Variants in NGF observed in about 807,000 individuals in gnomAD.
NGF encodes the protein nerve growth factor, also known as beta-nerve growth factor.
In NGF, 4 loss-of-function variants were observed where a neutral mutation model predicts 12.8. That is an observed-to-expected ratio of 0.31 (90% CI 0.15 to 0.72). The LOEUF (loss-of-function observed/expected upper bound fraction) is 0.72. Ranked by LOEUF, NGF falls within the 30% of genes least tolerant of loss-of-function variation. The pLI, the probability that NGF is intolerant of heterozygous loss-of-function variation, is 0.69. For missense variants in NGF, 283 were observed against 330.8 expected (o/e 0.86, Z 1.12); for synonymous variants, 140 against 130.0 (o/e 1.08, Z -0.52).
intron 1 of NGF, among the ~76,000 whole-genome samples, chr1:115,333,664 T>C (rs1022030215): frequency 1.2e-4 from 3 of 25,680 alleles, no homozygotes; most frequent in Non-Finnish European, 1.9e-4. Context: ...TCTCTTTCTT[T>C]CTTTCTTTCT....
At position 115,305,469 on chromosome 1, in the gene NGF, T is replaced by A. The variant is rs938670402; in HGVS notation, c.-136-11719A>T. Among the ~76,000 whole-genome samples, 3 of 152,184 alleles carry A rather than the reference T, an allele frequency of 2.0e-5. 1 individual carries two copies. Among genetic ancestry groups the A allele is most frequent in the African/African-American group, 7.2e-5 (3 of 41,452 alleles). On this transcript the variant is annotated intron_variant, in intron 1 of 2. Coordinates refer to ENST00000369512, the MANE Select transcript of NGF (RefSeq NM_002506.3). ...GGAGCAACAGTTCCACCCTCTGGGT[T>A]TTGTTCTGAGTGTTGATTTCCGCTT...
intron 1 of NGF, among the ~76,000 whole-genome samples, chr1:115,313,577 T>C (rs1654393844): frequency 6.6e-6 from 1 of 152,232 alleles, no homozygotes; most frequent in South Asian, 2.1e-4. Context: ...TTAAAAGCTT[T>C]TTCTTTTTTA....
intron 2 of NGF, among the ~76,000 whole-genome samples, chr1:115,288,420 G>A (rs756011784): frequency 6.6e-6 from 1 of 152,316 alleles, no homozygotes; most frequent in South Asian, 2.1e-4. Flanking sequence ...GGATGAAGTA[G>A]GTTCTCACAA....
Position 115,286,612 on chromosome 1 carries a change from G to C in NGF, c.184C>G (p.Arg62Gly). The change falls in exon 3 of 3, where the codon CGC (arginine) becomes GGC (glycine). Residue 62 changes from arginine to glycine, a missense_variant. By Grantham distance (125) the Arg-to-Gly change is moderately radical. This residue lies in a region of NGF where 151 missense variants were observed against 141.6 expected (regional missense o/e 1.07). Coordinates refer to ENST00000369512, the MANE Select transcript of NGF (RefSeq NM_002506.3). ...RSAPAAAIAARVAGQTRNITV... is the reference protein window; with the variant it reads ...RSAPAAAIAAGVAGQTRNITV... ...ATGTTGCGGGTCTGCCCCGCCACGC[G>C]TGCAGCTATCGCCGCTGCCGGGGCG... 18 of 1,614,230 alleles carry C rather than the reference G, an allele frequency of 1.1e-5. No individual in the cohort carries two copies. The highest frequency in any genetic ancestry group is 1.5e-5 in the Non-Finnish European group (18 of 1,180,042).
chr1:115,330,814 T>C (rs1654901042), intron 1 of NGF, among the ~76,000 whole-genome samples: 1 of 152,244 alleles, frequency 6.6e-6, no homozygotes, highest in African/African-American at 2.4e-5. Flanking sequence ...GAATTTTTTT[T>C]ATTCCTAAGA....
At chr1:115,305,761 T>A (rs992811114) in intron 1 of NGF, among the ~76,000 whole-genome samples, 4 of 152,180 alleles carry the variant, frequency 2.6e-5, no homozygotes, top group Non-Finnish European at 4.4e-5. Context: ...AAATGTGAAG[T>A]TGTTCCTTAC....
intron 1 of NGF, among the ~76,000 whole-genome samples, chr1:115,303,526 A>G (rs1178083720): frequency 4.0e-5 from 6 of 151,852 alleles, no homozygotes; most frequent in African/African-American, 1.5e-4. Flanking sequence ...CTCCATCACC[A>G]TCACCACTAC....
intron 1 of NGF, among the ~76,000 whole-genome samples, chr1:115,296,903 G>A (rs1373254156): frequency 6.6e-6 from 1 of 152,170 alleles, no homozygotes; most frequent in Non-Finnish European, 1.5e-5. Context: ...TGTTTTCATA[G>A]GGTAATCACT....
chr1:115,317,458 G>T (rs1654502671), intron 1 of NGF, among the ~76,000 whole-genome samples: 1 of 152,172 alleles, frequency 6.6e-6, no homozygotes, highest in Non-Finnish European at 1.5e-5. Flanking sequence ...AGCCAGGCTG[G>T]TATTGTTCTT....
chr1:115,334,134 C>T (rs1655042190), intron 1 of NGF, among the ~76,000 whole-genome samples: 2 of 152,138 alleles, frequency 1.3e-5, no homozygotes, highest in Non-Finnish European at 2.9e-5. Context: ...TGTTGCTAGC[C>T]TACTTTTTTT....
At chr1:115,326,203 GGGAGAAGGGACATTA>G (rs1654768293) in intron 1 of NGF, among the ~76,000 whole-genome samples, 1 of 152,114 alleles carries the variant, frequency 6.6e-6, no homozygotes, top group Non-Finnish European at 1.5e-5. Flanking sequence ...GGACTAATGA[GGGAGAAGGGACATTA>G]GGAGAAGAGA....
At chr1:115,292,133 C>T (rs1653721816) in intron 2 of NGF, among the ~76,000 whole-genome samples, 1 of 152,128 alleles carries the variant, frequency 6.6e-6, no homozygotes, top group Non-Finnish European at 1.5e-5. Context: ...GGCTCGAATA[C>T]TCTTGGGGGT....
At chr1:115,333,804 T>TCTC (rs1655026526) in intron 1 of NGF, among the ~76,000 whole-genome samples, 4 of 133,854 alleles carry the variant, frequency 3.0e-5, no homozygotes, top group Admixed American at 7.7e-5. Context: ...CTTTCTTTCT[T>TCTC]TCTCTTTTTC....
chr1:115,297,424 T>C (rs762598330), intron 1 of NGF, among the ~76,000 whole-genome samples: 7 of 152,142 alleles, frequency 4.6e-5, no homozygotes, highest in Non-Finnish European at 1.0e-4. Context: ...TTCTGGACCA[T>C]ACTCCTAGGA....
chr1:115,337,267 G>GTTTGTTTTTTTTTTGT, intron 1 of NGF, among the ~76,000 whole-genome samples: 1 of 81,030 alleles, frequency 1.2e-5, no homozygotes. Context: ...TTTTGTTTTT[G>GTTTGTTTTTTTTTTGT]TTTTTTTTTT....
At position 115,286,504 on chromosome 1, in the gene NGF, C is replaced by G; in HGVS notation, c.292G>C (p.Ala98Pro). The G allele has an allele frequency of 6.2e-7, 1 of 1,614,170 alleles. No individual in the cohort carries two copies. The highest frequency in any genetic ancestry group is 1.3e-5 in the African/African-American group (1 of 75,054). ...LFSTQPPREA[A>P]DTQDLDFEVG... ...TCGAAGTCCAGATCCTGAGTGTCTG[C>G]AGCTTCACGGGGAGGCTGGGTGCTA... is the stretch of plus-strand genomic sequence containing the variant. Residue 98 changes from alanine (A) to proline (P), a missense_variant, in exon 3 of 3, where the codon GCA becomes CCA. Physicochemically the swap from Ala to Pro is conservative, Grantham distance 27. Around this residue, in one of 2 missense-constraint regions of NGF, gnomAD observed 151 missense variants for 141.6 expected, o/e 1.07. Coordinates refer to ENST00000369512, the MANE Select transcript of NGF (RefSeq NM_002506.3).
intron 1 of NGF, among the ~76,000 whole-genome samples, chr1:115,328,349 G>C (rs563567732): frequency 2.7e-4 from 41 of 152,326 alleles, no homozygotes; most frequent in African/African-American, 8.7e-4. Context: ...TAGAATCTTG[G>C]TGTGGGTCAC....
intron 1 of NGF, among the ~76,000 whole-genome samples, chr1:115,304,361 A>G (rs7536097): frequency 0.81 from 106,327 of 130,886 alleles, 43,474 homozygotes; most frequent in African/African-American, 0.88. Context: ...TTTAGTAGAG[A>G]TGAGGTTTCA....
intron 1 of NGF, among the ~76,000 whole-genome samples, chr1:115,306,450 A>G (rs1420903829): frequency 2.0e-5 from 3 of 152,222 alleles, no homozygotes; most frequent in Non-Finnish European, 4.4e-5. Context: ...AGTTACCATC[A>G]GTGGTATGTT....
Sources: allele counts gnomAD v4.1 joint callset (sites outside exome capture counted in the v4.1 genomes callset), GRCh38; gene constraint gnomAD v4.1.1; regional missense constraint gnomAD v4.1.1; transcripts MANE v1.5; gene names NCBI Gene and HGNC (gene_info 2026-07-23, HGNC 2026-07-21).